THADA: variants seen among roughly 807,000 people sequenced by gnomAD.
The protein encoded by THADA is tRNA (32-2'-O)-methyltransferase regulator THADA.
THADA carries 213 observed loss-of-function variants against 219.8 expected under a neutral mutation model. The ratio of observed to expected loss-of-function variants is 0.97; its 90% CI spans 0.87 to 1.09. The LOEUF (loss-of-function observed/expected upper bound fraction) is 1.09, where lower values mean the gene tolerates loss of function less well. THADA is among the 50% of genes least tolerant of loss of function. THADA has a pLI of 0.00. For synonymous variants in THADA, 1,018 were observed against 828.9 expected (o/e 1.23, Z -3.92); for missense variants, 2,956 against 2,311.3 (o/e 1.28, Z -5.72).
intron 26 of THADA, among the ~76,000 whole-genome samples, chr2:43,468,804 G>A (rs1684570336): frequency 6.6e-6 from 1 of 152,144 alleles, no homozygotes; most frequent in Admixed American, 6.5e-5. Context: ...ACCAAGTGCT[G>A]GGATGACCAT....
chr2:43,310,222 TCCCGCC>T (rs1558560084), intron 31 of THADA, among the ~76,000 whole-genome samples: 21 of 64,492 alleles, frequency 3.3e-4, no homozygotes, highest in Non-Finnish European at 5.8e-4. Flanking sequence ...TCCCTCCCTT[TCCCGCC>T]CCCCCCCCAA....
At chr2:43,535,753 G>A (rs1694512829) in intron 21 of THADA, among the ~76,000 whole-genome samples, 1 of 149,170 alleles carries the variant, frequency 6.7e-6, no homozygotes, top group Non-Finnish European at 1.5e-5. Flanking sequence ...TATTCAAGTA[G>A]TTTTATAGTA....
chr2:43,385,839 C>T lies in THADA; in HGVS notation c.4227+12132G>A, dbSNP rs146085398. Among the ~76,000 whole-genome samples, 6 of 150,918 alleles carry T rather than the reference C, an allele frequency of 4.0e-5. No individual in the cohort carries two copies. The East Asian group carries it at 1.2e-3, about 29-fold the overall frequency. On this transcript the variant is annotated intron_variant, in intron 29 of 37. Coordinates refer to ENST00000405975, the MANE Select transcript of THADA (RefSeq NM_022065.5). ...GGCACTTGTAAACTCTTCGAAATCA[C>T]AACTTTTAAAAAACCTCTTAAATCC...
Position 43,549,297 on chromosome 2 carries a change from C to A in THADA, c.3019G>T (p.Ala1007Ser). The change falls in exon 20 of 38, where the codon GCC (alanine) becomes TCC (serine). Residue 1007 changes from alanine (A) to serine (S), a missense_variant. Transcript: ENST00000405975. ...PRDTNDYFNQ[A>S]KILKEHDSFD... is the part of the protein sequence containing the mutation. ...CTATCATGTTCTTTCAATATTTTGGCTTGGTTAAAATAATCATTAGTATCT... is the reference window on the plus strand; with the variant it reads ...CTATCATGTTCTTTCAATATTTTGGATTGGTTAAAATAATCATTAGTATCT... 1.2e-6 allele frequency: 2 copies of A among 1,600,038 alleles called. No homozygotes were observed. Among genetic ancestry groups the A allele is most frequent in the South Asian group, 2.3e-5 (2 of 88,210 alleles).
At chr2:43,328,110 C>G (rs1462253409) in intron 30 of THADA, among the ~76,000 whole-genome samples, 1 of 152,226 alleles carries the variant, frequency 6.6e-6, no homozygotes, top group Admixed American at 6.5e-5. Flanking sequence ...ATTCCGATTT[C>G]CAATTTTTAC....
Position 43,581,943 on chromosome 2 carries a change from A to C in THADA, c.534-15T>G, listed in dbSNP as rs1218529762. On this transcript the variant is annotated splice_polypyrimidine_tract_variant and intron_variant, in intron 7 of 37. Transcript: ENST00000405975. ...CAGCACATTTTCTATAAAGAAGAAA[A>C]GACATTATTACAAAAGGAAATTCAA... 1.3e-6 allele frequency: 2 copies of C among 1,509,678 alleles called. No homozygotes were observed. The highest frequency in any genetic ancestry group is 4.8e-5 in the East Asian group (2 of 42,074). The allele number at this position is 1,509,678 out of a possible 1,614,324, so 93.5% of individuals were successfully genotyped here.
intron 26 of THADA, among the ~76,000 whole-genome samples, chr2:43,441,916 G>A (rs1270951886): frequency 6.6e-6 from 1 of 152,086 alleles, no homozygotes; most frequent in African/African-American, 2.4e-5. Flanking sequence ...GTACCTACAT[G>A]CTTCATGTTG....
intron 30 of THADA, among the ~76,000 whole-genome samples, chr2:43,322,982 G>A: frequency 6.6e-6 from 1 of 152,014 alleles, no homozygotes; most frequent in South Asian, 2.1e-4. Flanking sequence ...CACCGCGCCA[G>A]GCTCTATTCT....
At chr2:43,412,056 C>T (rs981630264) in intron 28 of THADA, among the ~76,000 whole-genome samples, 1 of 152,074 alleles carries the variant, frequency 6.6e-6, no homozygotes, top group African/African-American at 2.4e-5. Context: ...ATTCCCACTG[C>T]CAATTTTGAT....
chr2:43,417,039 T>TTTC (rs1207488973), intron 28 of THADA, among the ~76,000 whole-genome samples: 4 of 89,898 alleles, frequency 4.4e-5, no homozygotes, highest in African/African-American at 1.8e-4. Flanking sequence ...GCTGTTTTCT[T>TTTC]TTTTTTTTTT....
rs974559070 is a variant in THADA, at chr2:43,560,161, C to A, written c.2463+73G>T. Reference sequence around the variant, plus strand: ...GGCAGATGCAAAGCACATGAATAATCCTCAGATTGCTTTATCTGCTGATAG... The same window carrying A: ...GGCAGATGCAAAGCACATGAATAATACTCAGATTGCTTTATCTGCTGATAG... On this transcript the variant is annotated intron_variant, in intron 16 of 37. Transcript: ENST00000405975. The A allele has an allele frequency of 2.3e-6, 3 of 1,326,422 alleles. No individual in the cohort carries two copies. The Admixed American group carries it at 7.2e-5, about 32-fold the overall frequency. 82.2% of individuals were successfully genotyped at this position (1,326,422 alleles called of 1,614,324 possible). A position where few individuals can be genotyped will look rare whatever the true frequency, so the allele number is the denominator to read the frequency against.
At chr2:43,493,137 T>A (rs1687850629) in intron 25 of THADA, among the ~76,000 whole-genome samples, 1 of 152,088 alleles carries the variant, frequency 6.6e-6, no homozygotes, top group Admixed American at 6.5e-5. Flanking sequence ...TTTCCTACCC[T>A]CCTTTGAAAC....
At chr2:43,264,314 T>C (rs1476331460) in intron 36 of THADA, among the ~76,000 whole-genome samples, 1 of 151,868 alleles carries the variant, frequency 6.6e-6, no homozygotes, top group Non-Finnish European at 1.5e-5. Context: ...AGACGGTGTT[T>C]TGCTCTTGTT....
At chr2:43,475,422 TAAAAA>T (rs59689521) in intron 26 of THADA, among the ~76,000 whole-genome samples, 2 of 99,578 alleles carry the variant, frequency 2.0e-5, no homozygotes, top group Admixed American at 1.1e-4. Context: ...GGCCCTGTCT[TAAAAA>T]AAAAAAAAAA....
chr2:43,320,401 A>G (rs1678560998), intron 31 of THADA, 45 bp downstream of exon 31: 1 of 1,472,288 alleles, frequency 6.8e-7, no homozygotes. Flanking sequence ...CCACATTTCA[A>G]AGATGTGTAA....
At chr2:43,474,930 C>T (rs1014118754) in intron 26 of THADA, among the ~76,000 whole-genome samples, 3 of 152,034 alleles carry the variant, frequency 2.0e-5, no homozygotes, top group African/African-American at 7.3e-5. Context: ...CCCAGACCGC[C>T]TCATGGACCA....
intron 29 of THADA, among the ~76,000 whole-genome samples, chr2:43,386,341 T>C (rs1226293412): frequency 1.3e-5 from 2 of 152,044 alleles, no homozygotes; most frequent in East Asian, 3.9e-4. Context: ...TTCAAACATA[T>C]GCCTTTGTCC....
At chr2:43,415,782 G>A (rs1052982520) in intron 28 of THADA, among the ~76,000 whole-genome samples, 14 of 152,140 alleles carry the variant, frequency 9.2e-5, no homozygotes, top group African/African-American at 2.9e-4. Flanking sequence ...ACACAAGGAA[G>A]CTGCTCTGCT....
At chr2:43,494,231 T>A (rs1687992502) in intron 25 of THADA, among the ~76,000 whole-genome samples, 1 of 152,210 alleles carries the variant, frequency 6.6e-6, no homozygotes, top group Admixed American at 6.5e-5. Context: ...TTTCACATGG[T>A]CTGGCTAGAA....
Sources: gnomAD v4.1 joint callset for allele counts (sites outside exome capture counted in the v4.1 genomes callset) on GRCh38, gnomAD v4.1.1 for gene constraint, MANE v1.5 for transcripts, NCBI Gene and HGNC (gene_info 2026-07-23, HGNC 2026-07-21) for gene names.